SAMSN1: variants seen among roughly 807,000 people sequenced by gnomAD.
The protein encoded by SAMSN1 is SAM domain-containing protein SAMSN-1.
Under a neutral mutation model 42.0 loss-of-function variants are expected in SAMSN1, and 31 were observed. The ratio of observed to expected loss-of-function variants is 0.74; its 90% CI spans 0.55 to 1.00. SAMSN1 has a LOEUF of 1.00. Ranked by LOEUF, SAMSN1 falls within the 50% of genes least tolerant of loss-of-function variation. SAMSN1 has a pLI of 0.00. For missense variants in SAMSN1, 464 were observed against 439.4 expected, an observed-to-expected ratio of 1.06 and a Z score of -0.50; for synonymous variants, 178 against 151.9, an observed-to-expected ratio of 1.17 and a Z score of -1.26.
intron 1 of SAMSN1, among the ~76,000 whole-genome samples, chr21:14,535,579 C>A (rs1357097735): frequency 6.6e-6 from 1 of 152,136 alleles, no homozygotes; most frequent in Non-Finnish European, 1.5e-5. Context: ...TACCTCAGAC[C>A]ATGACTGTAT....
Position 14,579,142 on chromosome 21 carries a change from G to A in SAMSN1, c.261+2994C>T, listed in dbSNP as rs78119015. Among the ~76,000 whole-genome samples, 1,298 of 152,166 alleles carry A rather than the reference G, an allele frequency of 8.5e-3. 24 individuals carry two copies. Among genetic ancestry groups the A allele is most frequent in the African/African-American group, 0.028 (1,153 of 41,500 alleles). Reference sequence around the variant, plus strand: ...CACTCATCCAACTTCTTTCACTTTAGTGTCTCAAATCCCGGAGTGTAAGTG... The same window carrying A: ...CACTCATCCAACTTCTTTCACTTTAATGTCTCAAATCCCGGAGTGTAAGTG... On this transcript the variant is annotated intron_variant, in intron 2 of 8. Coordinates refer to the SAMSN1 transcript ENST00000285670.
chr21:14,541,588 AG>A (rs1306424578), intron 1 of SAMSN1, among the ~76,000 whole-genome samples: 1 of 152,210 alleles, frequency 6.6e-6, no homozygotes, highest in Non-Finnish European at 1.5e-5. Flanking sequence ...ATGTGGTCCA[AG>A]AAAATTCTTC....
chr21:14,520,369 A>G (rs954434635), intron 2 of SAMSN1, among the ~76,000 whole-genome samples: 1 of 152,196 alleles, frequency 6.6e-6, no homozygotes, highest in Non-Finnish European at 1.5e-5. Flanking sequence ...CATTTTATAT[A>G]TATCTATCAA....
intron 5 of SAMSN1, among the ~76,000 whole-genome samples, chr21:14,503,235 T>TA (rs201907902): frequency 8.6e-5 from 13 of 151,100 alleles, no homozygotes; most frequent in Admixed American, 2.6e-4. Context: ...TAGGATCCCT[T>TA]AAAAAAAAAG....
chr21:14,627,319 T>G (rs1983206923), intron 2 of SAMSN1, among the ~76,000 whole-genome samples: 1 of 152,000 alleles, frequency 6.6e-6, no homozygotes, highest in Non-Finnish European at 1.5e-5. Flanking sequence ...TTGATAAGAC[T>G]TGGAGCTAAT....
At chr21:14,534,617 G>A (rs1029280676) in intron 1 of SAMSN1, among the ~76,000 whole-genome samples, 7 of 151,844 alleles carry the variant, frequency 4.6e-5, no homozygotes, top group South Asian at 2.1e-4. Context: ...CCGGGTTCAC[G>A]CCATTCTCCT....
At chr21:14,534,548 C>A (rs780407176) in intron 1 of SAMSN1, among the ~76,000 whole-genome samples, 1 of 149,876 alleles carries the variant, frequency 6.7e-6, no homozygotes. Flanking sequence ...GACGGAGTCT[C>A]GCTGTCGCCC....
At chr21:14,609,460 C>G (rs941598976) in intron 5 of SAMSN1, 1 of 717,230 alleles carries the variant, frequency 1.4e-6, no homozygotes, top group Non-Finnish European at 2.6e-6. Flanking sequence ...GCAAAGTCAG[C>G]TGAACTAAAT....
At chr21:14,620,401 A>T (rs1356141423) in intron 2 of SAMSN1, among the ~76,000 whole-genome samples, 1 of 152,168 alleles carries the variant, frequency 6.6e-6, no homozygotes, top group Non-Finnish European at 1.5e-5. Flanking sequence ...TGAAGAAGGT[A>T]CATTCTGCCT....
chr21:14,622,065 T>G (rs1361986198), intron 2 of SAMSN1, among the ~76,000 whole-genome samples: 10 of 152,246 alleles, frequency 6.6e-5, no homozygotes, highest in Non-Finnish European at 5.9e-5. Flanking sequence ...CTGAGGGTCC[T>G]GACTGCTAGA....
At chr21:14,506,079 TA>T (rs937092034) in intron 5 of SAMSN1, among the ~76,000 whole-genome samples, 3 of 151,988 alleles carry the variant, frequency 2.0e-5, no homozygotes, top group African/African-American at 7.3e-5. Flanking sequence ...AAGGGGGTGC[TA>T]AGGGGAAAGT....
At position 14,500,661 on chromosome 21, in the gene SAMSN1, TC is replaced by T. The variant is rs746043725; in HGVS notation, c.635del (p.Gly212GlufsTer21). ...CATCCACATAAATGAATTTGAAGTTTCCCACTTTATTGTTCAACATTCCTGT... is the reference window on the plus strand; with the variant it reads ...CATCCACATAAATGAATTTGAAGTTTCCACTTTATTGTTCAACATTCCTGT... ...MWTGMLNNKVGNFKFIYVDVI... is the reference protein window; with the variant it reads ...MWTGMLNNKVXNFKFIYVDVI... On this transcript the variant is annotated frameshift_variant, in exon 6 of 8. Coordinates refer to ENST00000400566, the MANE Select transcript of SAMSN1 (RefSeq NM_022136.5). LOFTEE classifies it high-confidence loss of function. 6.2e-7 allele frequency: 1 copy of T among 1,614,172 alleles called. No individual in the cohort carries two copies. The highest frequency in any genetic ancestry group is 8.5e-7 in the Non-Finnish European group (1 of 1,180,000).
At chr21:14,491,101 G>A (rs182495262) in intron 7 of SAMSN1, among the ~76,000 whole-genome samples, 8 of 152,162 alleles carry the variant, frequency 5.3e-5, no homozygotes, top group African/African-American at 1.9e-4. Flanking sequence ...ATTTAATTAG[G>A]GGCCTTGGAA....
At chr21:14,525,991 G>T (rs1457020814) in intron 1 of SAMSN1, among the ~76,000 whole-genome samples, 1 of 151,846 alleles carries the variant, frequency 6.6e-6, no homozygotes, top group Non-Finnish European at 1.5e-5. Context: ...CAGCCCCCCC[G>T]AGTAGCTGGG....
At chr21:14,651,706 G>A (rs1983840139) in intron 1 of SAMSN1, among the ~76,000 whole-genome samples, 1 of 151,934 alleles carries the variant, frequency 6.6e-6, no homozygotes, top group African/African-American at 2.4e-5. Context: ...GATATACATG[G>A]CATCCAAATT....
At chr21:14,508,999 C>T (rs1987551751) in intron 5 of SAMSN1, among the ~76,000 whole-genome samples, 1 of 151,936 alleles carries the variant, frequency 6.6e-6, no homozygotes, top group Non-Finnish European at 1.5e-5. Context: ...GCGGTGGCCT[C>T]CAGCTAGTCG....
At chr21:14,647,466 T>C (rs1292573) in intron 1 of SAMSN1, among the ~76,000 whole-genome samples, 109,987 of 144,204 alleles carry the variant, frequency 0.76, 42,582 homozygotes, top group Middle Eastern at 0.89. Flanking sequence ...CTTGGCAATG[T>C]GGGCTCTTTT....
At chr21:14,603,404 A>G (rs532815600) in intron 5 of SAMSN1, among the ~76,000 whole-genome samples, 2 of 152,378 alleles carry the variant, frequency 1.3e-5, no homozygotes, top group African/African-American at 4.8e-5. Context: ...TTCACACACA[A>G]TACTATGGAG....
chr21:14,555,108 G>A (rs1163358373), intron 2 of SAMSN1, among the ~76,000 whole-genome samples: 1 of 152,164 alleles, frequency 6.6e-6, no homozygotes, highest in African/African-American at 2.4e-5. Flanking sequence ...GGGCTGTGGA[G>A]AAAAGAAAGT....
Sources: gnomAD v4.1 joint callset for allele counts (sites outside exome capture counted in the v4.1 genomes callset) on GRCh38, gnomAD v4.1.1 for gene constraint, MANE v1.5 for transcripts, NCBI Gene and HGNC (gene_info 2026-07-23, HGNC 2026-07-21) for gene names.